Variants in CROCC observed in about 807,000 individuals in gnomAD.
CROCC encodes the protein ciliary rootlet coiled-coil, rootletin.
CROCC carries 180 observed loss-of-function variants against 245.2 expected under a neutral mutation model. That is an observed-to-expected ratio of 0.73 (90% CI 0.65 to 0.83). The LOEUF (loss-of-function observed/expected upper bound fraction) is 0.83. Among genes scored for constraint, CROCC ranks in the 40% least tolerant of loss-of-function variants. The pLI, the probability that CROCC is intolerant of heterozygous loss-of-function variation, is 0.00. For missense variants in CROCC, 2,688 were observed against 2,779.4 expected (o/e 0.97, Z 0.74); for synonymous variants, 1,205 against 1,241.6 (o/e 0.97, Z 0.62).
chr1:16,920,395 G>T (rs2075378942), upstream of CROCC, among the ~76,000 whole-genome samples: 1 of 152,232 alleles, frequency 6.6e-6, no homozygotes, highest in Non-Finnish European at 1.5e-5. Flanking sequence ...GTTTCACTAT[G>T]TTGGCCAGGC....
intron 3 of CROCC, among the ~76,000 whole-genome samples, chr1:16,928,469 C>T (rs1342439360): frequency 6.6e-6 from 1 of 152,034 alleles, no homozygotes; most frequent in Non-Finnish European, 1.5e-5. Flanking sequence ...GCAACAGAGG[C>T]TTTCCTGCAG....
At chr1:16,934,124 C>A (rs1315209331) in intron 8 of CROCC, among the ~76,000 whole-genome samples, 1 of 152,376 alleles carries the variant, frequency 6.6e-6, no homozygotes, top group African/African-American at 2.4e-5. Flanking sequence ...CCAGCTGTCT[C>A]TCTTTTCAAG....
intron 18 of CROCC, 109 bp downstream of exon 18, chr1:16,948,633 G>T: frequency 6.7e-7 from 1 of 1,487,092 alleles, no homozygotes; most frequent in Non-Finnish European, 8.9e-7. Context: ...AAGGAGTCTG[G>T]CTTGCCGACT....
intron 27 of CROCC, among the ~76,000 whole-genome samples, chr1:16,961,532 A>G (rs2076334696): frequency 6.6e-6 from 1 of 151,566 alleles, no homozygotes; most frequent in Admixed American, 6.6e-5. Context: ...TCAGCCTCTC[A>G]GGGTTGGGAT....
At chr1:16,953,526 C>T in intron 21 of CROCC, 45 bp downstream of exon 21, 1 of 1,532,532 alleles carries the variant, frequency 6.5e-7, no homozygotes, top group Non-Finnish European at 8.8e-7. Flanking sequence ...TGAGCTGCTC[C>T]AGTTCTGGGG....
intron 1 of CROCC, among the ~76,000 whole-genome samples, chr1:16,914,472 C>G (rs1179777910): frequency 6.6e-6 from 1 of 152,282 alleles, no homozygotes; most frequent in African/African-American, 2.4e-5. Flanking sequence ...GCCTCTGCCC[C>G]CCGCAGATGC....
upstream of CROCC, among the ~76,000 whole-genome samples, chr1:16,920,742 C>CT (rs33965029): frequency 0.07 from 9,481 of 135,278 alleles, 43 homozygotes; most frequent in African/African-American, 0.12. Flanking sequence ...GGGACTGTGC[C>CT]TTTTTTTTTT....
At position 16,940,096 on chromosome 1, in the gene CROCC, G is replaced by T; in HGVS notation, c.1808+3G>T. On this transcript the variant is annotated splice_donor_region_variant and intron_variant, in intron 13 of 36. Coordinates refer to ENST00000375541, the MANE Select transcript of CROCC (RefSeq NM_014675.5). ...AGCGCCAACGAGCTCCTGAGCAGGT[G>T]CCGGGGAGGTCTGAGCTGGGGGGTA... 6.3e-7 allele frequency: 1 copy of T among 1,598,100 alleles called. No individual in the cohort carries two copies. The highest frequency in any genetic ancestry group is 1.1e-5 in the South Asian group (1 of 89,312).
chr1:16,931,343 G>A lies in CROCC; in HGVS notation c.902G>A (p.Arg301Lys), dbSNP rs139797939. 78 of 1,612,782 alleles carry A rather than the reference G, an allele frequency of 4.8e-5. No homozygotes were observed. The highest frequency in any genetic ancestry group is 7.6e-6 in the Non-Finnish European group (9 of 1,179,162). ...NEHSRLLLLW[R>K]QVVGFRRLVS... The stretch of plus-strand genomic sequence containing the variant: ...CACAGTCGCCTGCTCCTCCTCTGGA[G>A]GCAGGTGGTGGGGTTCCGGCGGCTG... The change falls in exon 8 of 37, where the codon AGG becomes AAG. Residue 301 changes from arginine (R) to lysine (K), a missense_variant. By Grantham distance (26) the Arg-to-Lys change is conservative. Transcript: ENST00000375541.
At chr1:16,932,870 TC>T (rs1234987671) in intron 8 of CROCC, among the ~76,000 whole-genome samples, 1 of 152,272 alleles carries the variant, frequency 6.6e-6, no homozygotes, top group Non-Finnish European at 1.5e-5. Context: ...AGTAATCTTT[TC>T]TTTTCTTTAT....
Position 16,922,771 on chromosome 1 carries a change from C to G in CROCC, c.169C>G (p.Arg57Gly), listed in dbSNP as rs752671450. Residue 57 changes from arginine (R) to glycine (G), a missense_variant, in exon 2 of 37, where the codon CGC becomes GGC. Transcript: ENST00000375541. The stretch of plus-strand genomic sequence containing the variant: ...TGCCCTTATCAGGGAGATTGTCACC[C>G]GCAACCTCTCCCAGCCTGAGAGCCC... ...LPALIREIVTRNLSQPESPVL... is the reference protein window; with the variant it reads ...LPALIREIVTGNLSQPESPVL... 1 of 1,613,656 alleles carries G rather than the reference C, an allele frequency of 6.2e-7. No individual in the cohort carries two copies.
At chr1:16,949,563 A>G (rs762262388) in intron 19 of CROCC, among the ~76,000 whole-genome samples, 1 of 152,136 alleles carries the variant, frequency 6.6e-6, no homozygotes, top group African/African-American at 2.4e-5. Flanking sequence ...GGGTATGTTC[A>G]TGTCAGTCAT....
rs969905157 is a variant in CROCC at position 16,968,242 on chromosome 1, G to A, written c.4900G>A (p.Glu1634Lys). The part of the protein sequence containing the change: ...SKMKANETKL[E>K]GDKRRLKEVL... ...GATGAAGGCCAATGAGACAAAGCTG[G>A]AGGGCGACAAGCGGCGCCTGAAGGA... Residue 1634 changes from glutamate (E) to lysine (K), a missense_variant, in exon 31 of 37, where the codon GAG (glutamate) becomes AAG (lysine). By Grantham distance (56) the Glu-to-Lys change is moderately conservative. Transcript: ENST00000375541. The A allele has an allele frequency of 6.4e-7, 1 of 1,568,782 alleles. No homozygotes were observed. The highest frequency in any genetic ancestry group is 8.6e-7 in the Non-Finnish European group (1 of 1,158,344).
At position 16,971,631 on chromosome 1, in the gene CROCC, G is replaced by A. The variant is rs769058838; in HGVS notation, c.5951G>A (p.Arg1984His). The change falls in exon 36 of 37, where the codon CGT (arginine) becomes CAT (histidine). Residue 1984 changes from arginine to histidine, a missense_variant. Arg to His is a conservative substitution (Grantham distance 29, BLOSUM62 0). Around this residue, in one of 9 missense-constraint regions of CROCC, gnomAD observed 1,218 missense variants for 1,286.3 expected, o/e 0.95. Transcript: ENST00000375541. ...ARERAHRQRV[R>H]GLEEQVSTLK... ...GAGCGGGCCCACCGCCAGAGGGTGC[G>A]TGGGCTGGAGGAGCAGGTGTGCAGG... The A allele has an allele frequency of 5.9e-5, 89 of 1,502,780 alleles. No homozygotes were observed. The highest frequency in any genetic ancestry group is 8.3e-5 in the African/African-American group (6 of 72,158). 93.1% of individuals were successfully genotyped at this position (1,502,780 alleles called of 1,614,324 possible). A position where few individuals can be genotyped will look rare whatever the true frequency, so the allele number is the denominator to read the frequency against.
rs200142599 is a variant in CROCC, at chr1:16,940,017, G to A, written c.1732G>A (p.Asp578Asn). ...EQLQRLRDKTDGAMQAHEDAQ... is the reference protein window; with the variant it reads ...EQLQRLRDKTNGAMQAHEDAQ... Reference sequence around the variant, plus strand: ...GCTGCAGCGCCTGCGGGACAAGACCGACGGCGCCATGCAGGCCCACGAGGA... The same window carrying A: ...GCTGCAGCGCCTGCGGGACAAGACCAACGGCGCCATGCAGGCCCACGAGGA... Residue 578 changes from aspartate (D) to asparagine (N), a missense_variant, in exon 13 of 37, where the codon GAC becomes AAC. Transcript: ENST00000375541. 95 of 1,611,542 alleles carry A rather than the reference G, an allele frequency of 5.9e-5. No homozygotes were observed. The highest frequency in any genetic ancestry group is 5.1e-4 in the African/African-American group (38 of 75,014).
intron 11 of CROCC, 35 bp downstream of exon 11, chr1:16,938,518 G>T: frequency 6.5e-7 from 1 of 1,530,316 alleles, no homozygotes; most frequent in Non-Finnish European, 8.8e-7. Context: ...ACAGCGCCCT[G>T]CCAGGCAGTC....
chr1:16,959,715 A>G (rs4920355), intron 26 of CROCC, among the ~76,000 whole-genome samples: 25,186 of 152,062 alleles, frequency 0.17, 2,344 homozygotes, highest in African/African-American at 0.24. Context: ...ATTGTGTGCA[A>G]ATTTATTGAT....
chr1:16,952,309 C>T (rs1371543922), intron 20 of CROCC, among the ~76,000 whole-genome samples: 1 of 151,746 alleles, frequency 6.6e-6, no homozygotes, highest in Non-Finnish European at 1.5e-5. Context: ...ACAGTGAAAC[C>T]CCATCTCTAC....
rs1340691639 is a variant in CROCC at position 16,931,491 on chromosome 1, A to C, written c.956+94A>C. 11 of 1,224,642 alleles carry C rather than the reference A, an allele frequency of 9.0e-6. No individual in the cohort carries two copies. In the Admixed American group the frequency reaches 1.8e-4, roughly 20 times the overall value. 75.9% of individuals were successfully genotyped at this position (1,224,642 alleles called of 1,614,324 possible). ...GTTGAATTTCAGTTCAACTCAACGCACTTACTGTGCACAAGGGCCGGTGAG... is the reference window on the plus strand; with the variant it reads ...GTTGAATTTCAGTTCAACTCAACGCCCTTACTGTGCACAAGGGCCGGTGAG... On this transcript the variant is annotated intron_variant, in intron 8 of 36. Coordinates refer to ENST00000375541, the MANE Select transcript of CROCC (RefSeq NM_014675.5).
Sources: allele counts gnomAD v4.1 joint callset (sites outside exome capture counted in the v4.1 genomes callset), GRCh38; gene constraint gnomAD v4.1.1; regional missense constraint gnomAD v4.1.1; transcripts MANE v1.5; gene names NCBI Gene and HGNC (gene_info 2026-07-23, HGNC 2026-07-21).